The following CHST9 variants were observed in gnomAD, a reference collection of about 807,000 sequenced individuals.
CHST9 encodes the protein GalNAc-4-sulfotransferase 2.
A neutral mutation model predicts 44.4 loss-of-function variants in CHST9; 41 were observed. The ratio of observed to expected loss-of-function variants is 0.92; its 90% confidence interval spans 0.72 to 1.20. The LOEUF (loss-of-function observed/expected upper bound fraction) is 1.20. CHST9 is among the 50% of genes most tolerant of loss of function. CHST9 has a pLI of 0.00. For synonymous variants in CHST9, 171 were observed against 178.4 expected (o/e 0.96, Z 0.33); for missense variants, 504 against 516.5 (o/e 0.98, Z 0.23).
At position 26,911,921 on chromosome 18, in the gene CHST9, G is replaced by T. The variant is rs1187113922; in HGVS notation, c.*4338C>A. On this transcript the variant is annotated 3_prime_UTR_variant, in exon 6 of 6. Transcript: ENST00000618847. ...CTCTATTCTTTTCTGCAGTCTTCCC[G>T]TGTAGGCTCAGGGTAATCTGACTAC... is the stretch of plus-strand genomic sequence containing the variant. 1 of 152,074 alleles carries T rather than the reference G, an allele frequency of 6.6e-6. No individual in the cohort carries two copies. Among genetic ancestry groups the T allele is most frequent in the African/African-American group, 2.4e-5 (1 of 41,384 alleles). 9.4% of individuals were successfully genotyped at this position (152,074 alleles called of 1,614,324 possible).
At chr18:27,161,783 T>C (rs2058749081) in intron 1 of CHST9, among the ~76,000 whole-genome samples, 1 of 152,200 alleles carries the variant, frequency 6.6e-6, no homozygotes, top group Non-Finnish European at 1.5e-5. Flanking sequence ...TTTATGAATC[T>C]GGGTGCTCCT....
At chr18:27,093,697 T>C (rs2143725529) in intron 2 of CHST9, among the ~76,000 whole-genome samples, 1 of 152,324 alleles carries the variant, frequency 6.6e-6, no homozygotes, top group Non-Finnish European at 1.5e-5. Context: ...CCCTTGTGCT[T>C]CCCAGGTGAT....
chr18:27,112,458 CA>C lies in CHST9; in HGVS notation c.121+30230del, dbSNP rs770748386. Among the ~76,000 whole-genome samples the C allele has an allele frequency of 5.7e-4, 86 of 151,850 alleles. 1 individual carries two copies. The highest frequency in any genetic ancestry group is 3.4e-3 in the Middle Eastern group (1 of 294). ...ATTTTAAATAACTTTGTGCATAAGG[CA>C]AAATTTATGTTAAGTACTTATGTGT... On this transcript the variant is annotated intron_variant, in intron 2 of 5. Coordinates refer to ENST00000618847, the MANE Select transcript of CHST9 (RefSeq NM_031422.6).
chr18:26,975,741 A>G (rs1236784817), intron 4 of CHST9, among the ~76,000 whole-genome samples: 1,528 of 135,582 alleles, frequency 0.011, 18 homozygotes, highest in Non-Finnish European at 0.019. Flanking sequence ...ATATATATAT[A>G]TATATATATA....
intron 4 of CHST9, 61 bp downstream of exon 4, chr18:27,024,055 A>C: frequency 1.4e-6 from 2 of 1,461,828 alleles, no homozygotes; most frequent in South Asian, 2.3e-5. Context: ...CAGATATTCT[A>C]GTTGTTGCTC....
At chr18:27,174,187 C>A (rs2058851600) in intron 1 of CHST9, among the ~76,000 whole-genome samples, 1 of 151,862 alleles carries the variant, frequency 6.6e-6, no homozygotes, top group Middle Eastern at 3.2e-3. Context: ...AGAATCTAAT[C>A]AAGAAGGATG....
chr18:27,103,696 C>T (rs1017994438), intron 2 of CHST9, among the ~76,000 whole-genome samples: 1 of 152,140 alleles, frequency 6.6e-6, no homozygotes, highest in African/African-American at 2.4e-5. Context: ...TATATAGATG[C>T]CTTTGGCGAG....
intron 2 of CHST9, among the ~76,000 whole-genome samples, chr18:27,127,738 A>G (rs1452549248): frequency 6.6e-6 from 1 of 152,220 alleles, no homozygotes; most frequent in Non-Finnish European, 1.5e-5. Flanking sequence ...GAGAATACAT[A>G]GACGATGGGC....
chr18:27,166,416 C>T (rs558931999), intron 1 of CHST9, among the ~76,000 whole-genome samples: 1 of 152,228 alleles, frequency 6.6e-6, no homozygotes, highest in East Asian at 1.9e-4. Context: ...TAGCTGCATT[C>T]TTTTTTTGTC....
At chr18:27,176,713 T>C (rs1472233291) in intron 1 of CHST9, among the ~76,000 whole-genome samples, 1 of 152,004 alleles carries the variant, frequency 6.6e-6, no homozygotes, top group Non-Finnish European at 1.5e-5. Context: ...ATCAATAATC[T>C]CAAGCCATTC....
At chr18:26,992,002 G>A (rs1434401591) in intron 4 of CHST9, among the ~76,000 whole-genome samples, 2 of 127,764 alleles carry the variant, frequency 1.6e-5, no homozygotes, top group African/African-American at 5.3e-5. Flanking sequence ...GAGGAAGAAC[G>A]GCATGTTTGT....
chr18:27,146,481 G>GA (rs1567937523), intron 1 of CHST9, among the ~76,000 whole-genome samples: 1 of 152,200 alleles, frequency 6.6e-6, no homozygotes, highest in Non-Finnish European at 1.5e-5. Flanking sequence ...GCTGTGATGG[G>GA]AAAACACACC....
At chr18:27,166,359 C>T (rs547183793) in intron 1 of CHST9, among the ~76,000 whole-genome samples, 12 of 152,308 alleles carry the variant, frequency 7.9e-5, no homozygotes, top group African/African-American at 2.9e-4. Flanking sequence ...ACCTGTCCCT[C>T]AAACTCTACT....
At chr18:26,934,351 C>T (rs187154499) in intron 5 of CHST9, 2,177 of 151,976 alleles carry the variant, frequency 0.014, 30 homozygotes, top group Non-Finnish European at 0.023. Flanking sequence ...TCTCCTGCCT[C>T]AGCCTCCCGA....
intron 4 of CHST9, 28 bp downstream of exon 4, chr18:27,024,088 A>G (rs1375604567): frequency 6.2e-7 from 1 of 1,607,424 alleles, no homozygotes; most frequent in Non-Finnish European, 8.5e-7. Flanking sequence ...ACTACCCAAG[A>G]TTCAAACATT....
chr18:27,082,608 T>C (rs1001682123), intron 2 of CHST9, among the ~76,000 whole-genome samples: 52 of 152,312 alleles, frequency 3.4e-4, no homozygotes, highest in African/African-American at 1.2e-3. Context: ...TGGGATTAAT[T>C]TATCAAACCA....
chr18:27,010,473 G>A (rs975870063), intron 4 of CHST9, among the ~76,000 whole-genome samples: 1 of 152,184 alleles, frequency 6.6e-6, no homozygotes, highest in African/African-American at 2.4e-5. Context: ...TGTTCCACCA[G>A]GACAGAGACA....
At chr18:27,095,501 C>G (rs1382966467) in intron 2 of CHST9, among the ~76,000 whole-genome samples, 1 of 151,896 alleles carries the variant, frequency 6.6e-6, no homozygotes, top group South Asian at 2.1e-4. Context: ...GTGAAAAGTT[C>G]GATGAAAAAA....
At chr18:26,929,076 TTC>T (rs1339691323) in intron 5 of CHST9, among the ~76,000 whole-genome samples, 1 of 152,154 alleles carries the variant, frequency 6.6e-6, no homozygotes, top group African/African-American at 2.4e-5. Flanking sequence ...GAGGTCTCAA[TTC>T]TGTCTTCCTA....
Sources: allele counts gnomAD v4.1 joint callset (sites outside exome capture counted in the v4.1 genomes callset), GRCh38; gene constraint gnomAD v4.1.1; transcripts MANE v1.5; gene names NCBI Gene and HGNC (gene_info 2026-07-23, HGNC 2026-07-21).